ACOT13: variants seen among roughly 807,000 people sequenced by gnomAD.
ACOT13 encodes acyl-CoA thioesterase 13, also known as acyl-coenzyme A thioesterase 13.
Under a neutral mutation model 11.8 loss-of-function variants are expected in ACOT13, and 10 were observed. The ratio of observed to expected loss-of-function variants is 0.85; its 90% CI spans 0.53 to 1.44. The LOEUF is 1.44. Ranked by LOEUF, ACOT13 falls within the 40% of genes most tolerant of loss-of-function variation. The pLI, the probability that ACOT13 is intolerant of heterozygous loss-of-function variation, is 0.00. For synonymous variants in ACOT13, 53 were observed against 61.0 expected (o/e 0.87, Z 0.61); for missense variants, 172 against 174.1 (o/e 0.99, Z 0.07).
Position 24,697,987 on chromosome 6 carries a change from G to C in ACOT13, c.186G>C (p.Thr62=). 1.2e-6 allele frequency: 2 copies of C among 1,613,694 alleles called. No individual in the cohort carries two copies. Among genetic ancestry groups the C allele is most frequent in the Non-Finnish European group, 1.7e-6 (2 of 1,179,856 alleles). ...IGTLHGGLTA[T]LVDNISTMAL... ...CTCTCCACGGCGGTTTGACAGCCAC[G>C]TTAGTAGATAACATATCAACAATGG... Residue 62 remains threonine (T), a synonymous_variant, in exon 2 of 3, where the codon ACG becomes ACC. Coordinates refer to ENST00000230048, the MANE Select transcript of ACOT13 (RefSeq NM_018473.4).
rs1005690545 is a variant in ACOT13 at position 24,703,678 on chromosome 6, T to G, written c.*2063T>G. 1 of 152,196 alleles carries G rather than the reference T, an allele frequency of 6.6e-6. No individual in the cohort carries two copies. The highest frequency in any genetic ancestry group is 6.5e-5 in the Admixed American group (1 of 15,280). 9.4% of individuals were successfully genotyped at this position (152,196 alleles called of 1,614,324 possible). On this transcript the variant is annotated 3_prime_UTR_variant, in exon 3 of 3. Coordinates refer to ENST00000230048, the MANE Select transcript of ACOT13 (RefSeq NM_018473.4). ...TAACCATCATAGTTAAAGACTGGTT[T>G]GGGTTTTAGTCTGGAAAGAATCGCC...
chr6:24,684,298 A>G (rs1301781106), intron 1 of ACOT13, among the ~76,000 whole-genome samples: 1 of 152,260 alleles, frequency 6.6e-6, no homozygotes, highest in Admixed American at 6.5e-5. Flanking sequence ...TTATCCAGAA[A>G]AGGATGTATT....
chr6:24,695,190 T>G (rs1408499036), intron 1 of ACOT13, among the ~76,000 whole-genome samples: 1 of 152,044 alleles, frequency 6.6e-6, no homozygotes, highest in Non-Finnish European at 1.5e-5. Flanking sequence ...GCACCTGTAG[T>G]CCCATCTACT....
At chr6:24,679,164 C>G (rs569074745) in intron 1 of ACOT13, among the ~76,000 whole-genome samples, 3 of 152,294 alleles carry the variant, frequency 2.0e-5, no homozygotes, top group East Asian at 3.9e-4. Flanking sequence ...ATTTGCCCAG[C>G]TTTTCCCTTT....
chr6:24,696,300 T>C (rs912881766), intron 1 of ACOT13, among the ~76,000 whole-genome samples: 3 of 152,228 alleles, frequency 2.0e-5, no homozygotes, highest in Admixed American at 6.5e-5. Flanking sequence ...GTTACTCATA[T>C]ATAGTTAGTG....
Position 24,702,889 on chromosome 6 carries a change from T to TC in ACOT13, c.*1276dup, listed in dbSNP as rs1778916552. 1 of 152,134 alleles carries TC rather than the reference T, an allele frequency of 6.6e-6. No individual in the cohort carries two copies. The highest frequency in any genetic ancestry group is 1.5e-5 in the Non-Finnish European group (1 of 68,046). The allele number at this position is 152,134 out of a possible 1,614,324, so 9.4% of individuals were successfully genotyped here. On this transcript the variant is annotated 3_prime_UTR_variant, in exon 3 of 3. Coordinates refer to ENST00000230048, the MANE Select transcript of ACOT13 (RefSeq NM_018473.4). ...AGACCAAGTTCACTTCTCAGAAGTC[T>TC]CCAAGTTCAGTTGACTGTGGCACTC...
chr6:24,669,321 G>A (rs1418695488), intron 1 of ACOT13, among the ~76,000 whole-genome samples: 1 of 152,148 alleles, frequency 6.6e-6, no homozygotes, highest in Non-Finnish European at 1.5e-5. Context: ...AAGCGGGAAG[G>A]GGGCTTCCAG....
chr6:24,674,919 C>G (rs1778426447), intron 1 of ACOT13, among the ~76,000 whole-genome samples: 1 of 122,624 alleles, frequency 8.2e-6, no homozygotes. Context: ...GTGTGATGTT[C>G]CCCACCCTGT....
chr6:24,694,791 A>G (rs1052674334), intron 1 of ACOT13, among the ~76,000 whole-genome samples: 1 of 152,198 alleles, frequency 6.6e-6, no homozygotes, highest in Non-Finnish European at 1.5e-5. Flanking sequence ...TTATATTGCC[A>G]TATCAGGCTG....
At chr6:24,667,893 C>T (rs142041222) in intron 1 of ACOT13, among the ~76,000 whole-genome samples, 46 of 152,204 alleles carry the variant, frequency 3.0e-4, no homozygotes, top group Admixed American at 8.5e-4. Flanking sequence ...TCACAAAGCC[C>T]GAAGGTGTTT....
chr6:24,695,848 C>T lies in ACOT13; in HGVS notation c.82-2035C>T, dbSNP rs148733237. The stretch of plus-strand genomic sequence containing the variant: ...TTGGGAGGCCAAGGTGGGTGGATCA[C>T]CTGAGGTCAGGAGTTCGAGACCAGC... On this transcript the variant is annotated intron_variant, in intron 1 of 2. Transcript: ENST00000230048. 6.6e-3 allele frequency among the ~76,000 whole-genome samples: 1,006 copies of T among 152,262 alleles called. 7 individuals are homozygous for T. Among genetic ancestry groups the T allele is most frequent in the African/African-American group, 0.023 (947 of 41,554 alleles).
At chr6:24,671,366 A>G (rs1485398052) in intron 1 of ACOT13, among the ~76,000 whole-genome samples, 1 of 152,130 alleles carries the variant, frequency 6.6e-6, no homozygotes, top group African/African-American at 2.4e-5. Context: ...ACAAGGACAG[A>G]AAACCAAATA....
chr6:24,697,933 A>G lies in ACOT13; in HGVS notation c.132A>G (p.Val44=). The change falls in exon 2 of 3, where the codon GTA becomes GTG. Residue 44 remains valine (V), a synonymous_variant. Transcript: ENST00000230048. The part of the protein sequence containing the change: ...APGKVICEMK[V]EEEHTNAIGT... ...GGAAAGTGATTTGTGAAATGAAAGT[A>G]GAAGAAGAGCATACCAATGCAATAG... is the stretch of plus-strand genomic sequence containing the variant. 6.2e-7 allele frequency: 1 copy of G among 1,612,688 alleles called. No individual in the cohort carries two copies.
At chr6:24,674,728 T>G (rs910648677) in intron 1 of ACOT13, among the ~76,000 whole-genome samples, 6 of 152,198 alleles carry the variant, frequency 3.9e-5, no homozygotes, top group African/African-American at 1.4e-4. Flanking sequence ...AGAGTTCAAC[T>G]GTTTTTTTAT....
At chr6:24,687,805 A>T in intron 1 of ACOT13, 1 of 1,085,376 alleles carries the variant, frequency 9.2e-7, no homozygotes. Flanking sequence ...TCTGCCTCCC[A>T]GGTTCAAGTA....
At chr6:24,673,300 G>GA (rs1227632315) in intron 1 of ACOT13, among the ~76,000 whole-genome samples, 19 of 150,524 alleles carry the variant, frequency 1.3e-4, no homozygotes, top group African/African-American at 3.4e-4. Flanking sequence ...AGAGAAAGCT[G>GA]AAAAAAAATG....
intron 1 of ACOT13, among the ~76,000 whole-genome samples, chr6:24,682,754 A>G (rs1359458235): frequency 6.6e-6 from 1 of 152,152 alleles, no homozygotes; most frequent in Non-Finnish European, 1.5e-5. Flanking sequence ...TCGAGCCATA[A>G]CAAACATGGA....
intron 1 of ACOT13, among the ~76,000 whole-genome samples, chr6:24,679,784 C>CATT (rs1778516941): frequency 6.6e-6 from 1 of 152,202 alleles, no homozygotes; most frequent in Admixed American, 6.5e-5. Flanking sequence ...TTAGCAGTAA[C>CATT]ATTATATCTC....
intron 1 of ACOT13, among the ~76,000 whole-genome samples, chr6:24,675,752 A>G (rs921282998): frequency 1.3e-5 from 2 of 152,100 alleles, no homozygotes; most frequent in Non-Finnish European, 1.5e-5. Context: ...CCATTTGTCA[A>G]TTTTGGCTTT....
Sources: gnomAD v4.1 joint callset for allele counts (sites outside exome capture counted in the v4.1 genomes callset) on GRCh38, gnomAD v4.1.1 for gene constraint, MANE v1.5 for transcripts, NCBI Gene and HGNC (gene_info 2026-07-23, HGNC 2026-07-21) for gene names.